Variants in NXPH1 observed in about 807,000 individuals in gnomAD.
The protein encoded by NXPH1 is neurexophilin-1.
Under a neutral mutation model 23.7 loss-of-function variants are expected in NXPH1, and 5 were observed. That is an observed-to-expected ratio of 0.21 (90% confidence interval 0.11 to 0.44). The LOEUF is 0.44. Ranked by LOEUF, NXPH1 falls within the 20% of genes least tolerant of loss-of-function variation. NXPH1 has a pLI of 0.99. For missense variants in NXPH1, 324 were observed against 321.6 expected (o/e 1.01, Z -0.06); for synonymous variants, 144 against 122.2 (o/e 1.18, Z -1.18).
intron 2 of NXPH1, among the ~76,000 whole-genome samples, chr7:8,496,574 GA>G (rs879788492): frequency 7.9e-5 from 12 of 152,150 alleles, no homozygotes; most frequent in Non-Finnish European, 1.5e-4. Flanking sequence ...ATGAGTACTT[GA>G]AAATGGTTTT....
intron 2 of NXPH1, among the ~76,000 whole-genome samples, chr7:8,520,067 A>G (rs1817745949): frequency 6.6e-6 from 1 of 152,170 alleles, no homozygotes; most frequent in Non-Finnish European, 1.5e-5. Flanking sequence ...ATTATACAAA[A>G]AGAATGGGGT....
At chr7:8,499,818 A>G (rs4725099) in intron 2 of NXPH1, among the ~76,000 whole-genome samples, 120,265 of 151,956 alleles carry the variant, frequency 0.79, 48,435 homozygotes, top group East Asian at 0.96. Flanking sequence ...TGGACGAGCC[A>G]TGGCTTTCCA....
chr7:8,659,395 T>C (rs1199560449), intron 2 of NXPH1, among the ~76,000 whole-genome samples: 3 of 152,204 alleles, frequency 2.0e-5, no homozygotes, highest in African/African-American at 7.2e-5. Flanking sequence ...TCAAACATCC[T>C]CCTTTAGCTC....
intron 2 of NXPH1, among the ~76,000 whole-genome samples, chr7:8,625,066 G>C (rs1441660509): frequency 6.6e-6 from 1 of 152,112 alleles, no homozygotes; most frequent in African/African-American, 2.4e-5. Context: ...CCATATTGTA[G>C]TGTCATTTTC....
At chr7:8,706,867 T>C (rs1779714503) in intron 2 of NXPH1, among the ~76,000 whole-genome samples, 1 of 152,292 alleles carries the variant, frequency 6.6e-6, no homozygotes, top group East Asian at 1.9e-4. Context: ...AGATTTGTTT[T>C]CATTGTCTAA....
chr7:8,461,787 G>A (rs1009518288), intron 2 of NXPH1, among the ~76,000 whole-genome samples: 1 of 141,694 alleles, frequency 7.1e-6, no homozygotes, highest in Non-Finnish European at 1.5e-5. Context: ...CTGAGATCGC[G>A]CCACTGCAGT....
intron 2 of NXPH1, among the ~76,000 whole-genome samples, chr7:8,491,191 G>A (rs1004626308): frequency 6.6e-5 from 10 of 151,854 alleles, no homozygotes; most frequent in Admixed American, 4.6e-4. Context: ...AAGCTTGAAC[G>A]GGAATCCACT....
At chr7:8,710,388 T>G (rs1779768192) in intron 2 of NXPH1, among the ~76,000 whole-genome samples, 1 of 152,208 alleles carries the variant, frequency 6.6e-6, no homozygotes, top group Non-Finnish European at 1.5e-5. Flanking sequence ...TTTAATCAAT[T>G]CTTCCATGAG....
intron 2 of NXPH1, among the ~76,000 whole-genome samples, chr7:8,444,062 G>A (rs907979800): frequency 3.3e-5 from 5 of 152,204 alleles, no homozygotes; most frequent in African/African-American, 1.2e-4. Context: ...AAATAAGACG[G>A]ATAGTACCGA....
At chr7:8,556,122 C>T (rs1269711533) in intron 2 of NXPH1, among the ~76,000 whole-genome samples, 1 of 151,612 alleles carries the variant, frequency 6.6e-6, no homozygotes, top group Non-Finnish European at 1.5e-5. Context: ...GGCACTTAGC[C>T]CATGTTATGG....
At chr7:8,715,941 A>G (rs1169238341) in intron 2 of NXPH1, among the ~76,000 whole-genome samples, 1 of 152,156 alleles carries the variant, frequency 6.6e-6, no homozygotes, top group African/African-American at 2.4e-5. Context: ...ATATACATAT[A>G]TATATAAATG....
chr7:8,690,211 G>A (rs1240884761), intron 2 of NXPH1: 2 of 152,138 alleles, frequency 1.3e-5, no homozygotes, highest in East Asian at 3.9e-4. Flanking sequence ...TAGGTTATTC[G>A]TTAAACTTAA....
At chr7:8,532,145 A>G (rs1417025599) in intron 2 of NXPH1, among the ~76,000 whole-genome samples, 1 of 152,176 alleles carries the variant, frequency 6.6e-6, no homozygotes, top group Non-Finnish European at 1.5e-5. Flanking sequence ...ACAGACTCTT[A>G]GTAACCAATA....
chr7:8,453,192 T>A (rs1367101342), intron 2 of NXPH1, among the ~76,000 whole-genome samples: 1 of 152,056 alleles, frequency 6.6e-6, no homozygotes, highest in Non-Finnish European at 1.5e-5. Context: ...AAGAAATACT[T>A]GTATTTGTAT....
At chr7:8,598,778 T>C (rs992190427) in intron 2 of NXPH1, among the ~76,000 whole-genome samples, 4 of 152,138 alleles carry the variant, frequency 2.6e-5, no homozygotes, top group Non-Finnish European at 5.9e-5. Context: ...TATCAGTGCT[T>C]TTCTTGAAAT....
chr7:8,664,970 G>A (rs1468925872), intron 2 of NXPH1, among the ~76,000 whole-genome samples: 1 of 151,726 alleles, frequency 6.6e-6, no homozygotes, highest in African/African-American at 2.4e-5. Context: ...CCATTCCATA[G>A]GTTATCTCTT....
chr7:8,594,860 A>G (rs10267564), intron 2 of NXPH1, among the ~76,000 whole-genome samples: 432 of 152,102 alleles, frequency 2.8e-3, no homozygotes, highest in African/African-American at 1.0e-2. Context: ...CAGCCTTTTC[A>G]TTAGATTTTC....
At chr7:8,675,911 C>G (rs184122708) in intron 2 of NXPH1, among the ~76,000 whole-genome samples, 1 of 152,144 alleles carries the variant, frequency 6.6e-6, no homozygotes, top group Non-Finnish European at 1.5e-5. Flanking sequence ...ATCTAGCCTT[C>G]TCTTTTGCCA....
chr7:8,467,498 C>G lies in NXPH1; in HGVS notation c.54+31731C>G, dbSNP rs76092174. Among the ~76,000 whole-genome samples, 32 of 152,286 alleles carry G rather than the reference C, an allele frequency of 2.1e-4. 2 individuals carry two copies. In the East Asian group the frequency reaches 6.2e-3, roughly 29 times the overall value. ...TGAGTTTCCCTAATCTTCTTTCAGA[C>G]TATCTTACATCTTACACTCTTTATG... On this transcript the variant is annotated intron_variant, in intron 2 of 2. Transcript: ENST00000405863.
Sources: gnomAD v4.1 joint callset for allele counts (sites outside exome capture counted in the v4.1 genomes callset) on GRCh38, gnomAD v4.1.1 for gene constraint, MANE v1.5 for transcripts, NCBI Gene and HGNC (gene_info 2026-07-23, HGNC 2026-07-21) for gene names.